EYS: variants seen among roughly 807,000 people sequenced by gnomAD.
EYS encodes the protein protein eyes shut homolog.
A neutral mutation model predicts 282.1 loss-of-function variants in EYS; 250 were observed. That is an observed-to-expected ratio of 0.89 (90% confidence interval 0.80 to 0.98). The LOEUF (loss-of-function observed/expected upper bound fraction) is 0.98. Ranked by LOEUF, EYS falls within the 50% of genes least tolerant of loss-of-function variation. The pLI is 0.00. For synonymous variants in EYS, 1,355 were observed against 1,282.9 expected, an observed-to-expected ratio of 1.06 and a Z score of -1.20; for missense variants, 4,016 against 3,709.0, an observed-to-expected ratio of 1.08 and a Z score of -2.15.
intron 21 of EYS, among the ~76,000 whole-genome samples, chr6:64,820,752 T>C (rs746855958): frequency 3.9e-5 from 6 of 152,116 alleles, no homozygotes; most frequent in Admixed American, 1.3e-4. Context: ...AGTAGCAATA[T>C]AGAGTTTCCA....
chr6:64,396,918 A>G (rs532567643), intron 28 of EYS, among the ~76,000 whole-genome samples: 1 of 152,064 alleles, frequency 6.6e-6, no homozygotes, highest in East Asian at 1.9e-4. Flanking sequence ...ATGTGTGTGC[A>G]CACAAGGGTG....
intron 2 of EYS, among the ~76,000 whole-genome samples, chr6:65,498,357 C>A (rs931593671): frequency 1.3e-5 from 2 of 152,004 alleles, no homozygotes; most frequent in Non-Finnish European, 2.9e-5. Flanking sequence ...ATTTTCCCAG[C>A]AGCTTAGTTG....
At chr6:63,849,575 A>G (rs1772188322) in intron 36 of EYS, among the ~76,000 whole-genome samples, 1 of 152,186 alleles carries the variant, frequency 6.6e-6, no homozygotes, top group Non-Finnish European at 1.5e-5. Context: ...AGACCTGCAG[A>G]AGAGGGGCCT....
chr6:64,291,898 G>A (rs993665753), intron 30 of EYS, among the ~76,000 whole-genome samples: 6 of 152,070 alleles, frequency 3.9e-5, no homozygotes, highest in African/African-American at 1.2e-4. Flanking sequence ...GAAGATGGCT[G>A]ATTATAACAG....
At chr6:65,317,825 C>CCTTCCTTCCTTCCTTTCTTT (rs1562092985) in intron 11 of EYS, among the ~76,000 whole-genome samples, 19 of 81,172 alleles carry the variant, frequency 2.3e-4, no homozygotes, top group South Asian at 4.7e-4. Flanking sequence ...TTCCTTCCTT[C>CCTTCCTTCCTTCCTTTCTTT]CTTTCTTTCT....
intron 28 of EYS, among the ~76,000 whole-genome samples, chr6:64,398,414 C>G (rs1456703523): frequency 6.6e-6 from 1 of 151,770 alleles, no homozygotes; most frequent in African/African-American, 2.4e-5. Flanking sequence ...CTGCATTGCC[C>G]AGCATATGGT....
rs796750627 is a variant in EYS, at chr6:64,972,018, A to G, written c.2259+25564T>C. Among the ~76,000 whole-genome samples, 52 of 152,256 alleles carry G rather than the reference A, an allele frequency of 3.4e-4. 1 individual carries two copies. Among genetic ancestry groups the G allele is most frequent in the African/African-American group, 1.0e-3 (42 of 41,564 alleles). On this transcript the variant is annotated intron_variant, in intron 14 of 42. Coordinates refer to ENST00000503581, the MANE Select transcript of EYS (RefSeq NM_001142800.2). Reference sequence around the variant, plus strand: ...GATATGGCAAAAAAAAAGAATAAAGAAAAAACATGGTCAGGGGGTAAAGCG... The same window carrying G: ...GATATGGCAAAAAAAAAGAATAAAGGAAAAACATGGTCAGGGGGTAAAGCG...
chr6:63,989,169 G>C (rs890157926), intron 34 of EYS, among the ~76,000 whole-genome samples: 27 of 151,592 alleles, frequency 1.8e-4, no homozygotes, highest in Admixed American at 1.8e-3. Context: ...GAGCGCACTT[G>C]TCTTTAAGAT....
At chr6:65,333,720 T>A (rs1204997708) in intron 11 of EYS, among the ~76,000 whole-genome samples, 1 of 147,144 alleles carries the variant, frequency 6.8e-6, no homozygotes, top group Non-Finnish European at 1.5e-5. Flanking sequence ...TGTTGTTAGT[T>A]GTGTATATAC....
intron 31 of EYS, among the ~76,000 whole-genome samples, chr6:64,195,888 C>G (rs1362839872): frequency 1.3e-5 from 2 of 152,060 alleles, no homozygotes; most frequent in Non-Finnish European, 2.9e-5. Flanking sequence ...CCAAAATTGA[C>G]AAATGGGATC....
intron 31 of EYS, among the ~76,000 whole-genome samples, chr6:64,143,447 A>G (rs1041284127): frequency 9.9e-5 from 15 of 152,032 alleles, no homozygotes; most frequent in African/African-American, 3.4e-4. Flanking sequence ...TAAGAAGTAC[A>G]TAGGAAGAAC....
At chr6:65,183,746 A>G (rs1198177545) in intron 12 of EYS, among the ~76,000 whole-genome samples, 6 of 151,836 alleles carry the variant, frequency 4.0e-5, no homozygotes, top group African/African-American at 1.2e-4. Context: ...CAAATGTGTC[A>G]TATAGATGGA....
At chr6:65,466,075 A>T in intron 5 of EYS, among the ~76,000 whole-genome samples, 1 of 152,294 alleles carries the variant, frequency 6.6e-6, no homozygotes, top group Admixed American at 6.5e-5. Context: ...TTAGAAAAAC[A>T]ATTTAGAAAT....
chr6:65,473,861 A>AG (rs1309917524), intron 5 of EYS, among the ~76,000 whole-genome samples: 3 of 151,202 alleles, frequency 2.0e-5, no homozygotes, highest in African/African-American at 7.3e-5. Flanking sequence ...AAAAAAAAAA[A>AG]GGAAATGTAG....
intron 35 of EYS, among the ~76,000 whole-genome samples, chr6:63,869,122 A>C (rs915798950): frequency 6.6e-6 from 1 of 152,206 alleles, no homozygotes; most frequent in Non-Finnish European, 1.5e-5. Context: ...GTCCTCTGCT[A>C]TAGAAACTTT....
rs1765129829 is a variant in EYS, at chr6:65,371,227, T to C, written c.1299+13159A>G. On this transcript the variant is annotated intron_variant, in intron 8 of 42. Transcript: ENST00000503581. Reference sequence around the variant, plus strand: ...GTATAACAACATAGCATTTACTTTGTGTTAGGTATTACAAGTAATCTATAG... The same window carrying C: ...GTATAACAACATAGCATTTACTTTGCGTTAGGTATTACAAGTAATCTATAG... Among the ~76,000 whole-genome samples the C allele has an allele frequency of 2.6e-5, 4 of 151,800 alleles. No individual in the cohort carries two copies. In the South Asian group the frequency reaches 8.3e-4, roughly 31 times the overall value.
At chr6:65,071,441 T>G (rs928031367) in intron 12 of EYS, among the ~76,000 whole-genome samples, 1 of 151,714 alleles carries the variant, frequency 6.6e-6, no homozygotes, top group African/African-American at 2.4e-5. Context: ...GAAAAAATAA[T>G]GGTAGTGTTG....
chr6:65,516,271 A>G (rs1415925724), intron 2 of EYS, among the ~76,000 whole-genome samples: 1 of 152,112 alleles, frequency 6.6e-6, no homozygotes, highest in Non-Finnish European at 1.5e-5. Context: ...TGCATGTTCT[A>G]TATGTGAAAG....
intron 26 of EYS, among the ~76,000 whole-genome samples, chr6:64,547,108 T>C (rs1193483014): frequency 3.9e-5 from 6 of 152,290 alleles, no homozygotes. Context: ...GGAGTGAAGC[T>C]GCAGACCTTT....
Sources: gnomAD v4.1 joint callset for allele counts (sites outside exome capture counted in the v4.1 genomes callset) on GRCh38, gnomAD v4.1.1 for gene constraint, MANE v1.5 for transcripts, NCBI Gene and HGNC (gene_info 2026-07-23, HGNC 2026-07-21) for gene names.